Variants in SCAF1 observed in about 807,000 individuals in gnomAD.
SCAF1 encodes splicing factor, arginine/serine-rich 19.
Under a neutral mutation model 91.2 loss-of-function variants are expected in SCAF1, and 28 were observed. That is an observed-to-expected ratio of 0.31 (90% confidence interval 0.23 to 0.42). The LOEUF is 0.42. SCAF1 is among the 10% of genes least tolerant of loss of function. The pLI is 1.00. For missense variants in SCAF1, 1,893 were observed against 1,872.1 expected, an observed-to-expected ratio of 1.01 and a Z score of -0.21; for synonymous variants, 1,036 against 833.7, an observed-to-expected ratio of 1.24 and a Z score of -4.18.
Position 49,646,939 on chromosome 19 carries a change from C to A in SCAF1, c.478+109C>A. 1.3e-6 allele frequency: 1 copy of A among 780,278 alleles called. No homozygotes were observed. The highest frequency in any genetic ancestry group is 2.7e-5 in the East Asian group (1 of 37,190). The allele number at this position is 780,278 out of a possible 1,614,324, so 48.3% of individuals were successfully genotyped here. On this transcript the variant is annotated intron_variant, in intron 6 of 10. Transcript: ENST00000360565. This position sits in a 1 kb window ranked among gnomAD's most constrained non-coding sequence, Gnocchi z 5.6. ...ATCATGTTATTTAGACAAAACCTTTCCCTTCTCTTCGTATTAGACGTGATT... is the reference window on the plus strand; with the variant it reads ...ATCATGTTATTTAGACAAAACCTTTACCTTCTCTTCGTATTAGACGTGATT...
intron 9 of SCAF1, among the ~76,000 whole-genome samples, chr19:49,657,131 A>G (rs560091632): frequency 1.3e-5 from 2 of 152,264 alleles, no homozygotes; most frequent in Admixed American, 1.3e-4. Flanking sequence ...TCCAGCCTGC[A>G]TGACAATGAG....
chr19:49,652,492 C>G lies in SCAF1; in HGVS notation c.2103C>G (p.Ile701Met). ...TCACGGACCACGACCTCTTCGCCATCAAGCGGACCATCACGGTGGGCCGGC... is the reference window on the plus strand; with the variant it reads ...TCACGGACCACGACCTCTTCGCCATGAAGCGGACCATCACGGTGGGCCGGC... Reference protein sequence around the residue: ...QDLTDHDLFAIKRTITVGRLD... With the variant: ...QDLTDHDLFAMKRTITVGRLD... The change falls in exon 7 of 11, where the codon ATC becomes ATG. Residue 701 changes from isoleucine to methionine, a missense_variant. Ile to Met is a conservative substitution (Grantham distance 10). Transcript: ENST00000360565. 6.3e-7 allele frequency: 1 copy of G among 1,590,428 alleles called. No homozygotes were observed. The highest frequency in any genetic ancestry group is 8.5e-7 in the Non-Finnish European group (1 of 1,171,026).
chr19:49,654,864 A>G lies in SCAF1; in HGVS notation c.3612A>G (p.Thr1204=). ...GCAGCTCTGAGGGCCGTGGGGACAC[A>G]GATAAGGTGAGCTGGCCTGGGGAGA... ...GSSSSEGRGD[T]DKYLKKLHTQ... Residue 1204 remains threonine, a synonymous_variant, in exon 9 of 11, where the codon ACA becomes ACG. Transcript: ENST00000360565. The G allele has an allele frequency of 6.3e-7, 1 of 1,588,900 alleles. No homozygotes were observed. The highest frequency in any genetic ancestry group is 8.6e-7 in the Non-Finnish European group (1 of 1,164,572).
In SCAF1 at chr19:49,653,690, A is replaced by G; in HGVS notation, c.3301A>G (p.Ser1101Gly). ...GCCAGCTGGTGTGGACTGCACCACC[A>G]GCGGCGTCCTGGCCTGTGAGTGTCC... is the stretch of plus-strand genomic sequence containing the variant. Reference protein sequence around the residue: ...NLPAGVDCTTSGVLALTALLF... With the variant: ...NLPAGVDCTTGGVLALTALLF... Residue 1101 changes from serine to glycine, a missense_variant, in exon 7 of 11, where the codon AGC (serine) becomes GGC (glycine). By Grantham distance (56) the Ser-to-Gly change is moderately conservative (BLOSUM62 0). Transcript: ENST00000360565. The G allele has an allele frequency of 6.4e-7, 1 of 1,573,342 alleles. No homozygotes were observed. Among genetic ancestry groups the G allele is most frequent in the African/African-American group, 1.3e-5 (1 of 74,372 alleles).
chr19:49,652,997 C>T lies in SCAF1; in HGVS notation c.2608C>T (p.Arg870Cys), dbSNP rs1177668452. ...GSIGVKFSRD[R>C]ESRSPFLKPD... ...CATTGGCGTCAAATTCAGCCGTGAC[C>T]GCGAGAGTCGCTCCCCCTTCCTCAA... Residue 870 changes from arginine to cysteine, a missense_variant, in exon 7 of 11, where the codon CGC becomes TGC. Physicochemically the swap from Arg to Cys is radical, Grantham distance 180. Transcript: ENST00000360565. 8.7e-6 allele frequency: 14 copies of T among 1,613,844 alleles called. No homozygotes were observed. Among genetic ancestry groups the T allele is most frequent in the Admixed American group, 1.7e-5 (1 of 60,012 alleles).
At position 49,652,992 on chromosome 19, in the gene SCAF1, G is replaced by A. The variant is rs763013475; in HGVS notation, c.2603G>A (p.Arg868His). ...GGCTCCATTGGCGTCAAATTCAGCCGTGACCGCGAGAGTCGCTCCCCCTTC... is the reference window on the plus strand; with the variant it reads ...GGCTCCATTGGCGTCAAATTCAGCCATGACCGCGAGAGTCGCTCCCCCTTC... ...GLGSIGVKFS[R>H]DRESRSPFLK... Residue 868 changes from arginine (R) to histidine (H), a missense_variant, in exon 7 of 11, where the codon CGT becomes CAT. Arg to His is a conservative substitution (Grantham distance 29, BLOSUM62 0). Transcript: ENST00000360565. 5 of 1,613,952 alleles carry A rather than the reference G, an allele frequency of 3.1e-6. No individual in the cohort carries two copies. Among genetic ancestry groups the A allele is most frequent in the Non-Finnish European group, 3.4e-6 (4 of 1,180,024 alleles).
In SCAF1 at chr19:49,652,192, G is replaced by T; in HGVS notation, c.1803G>T (p.Arg601=). 1 of 1,274,254 alleles carries T rather than the reference G, an allele frequency of 7.8e-7. No individual in the cohort carries two copies. 78.9% of individuals were successfully genotyped at this position (1,274,254 alleles called of 1,614,324 possible). The change falls in exon 7 of 11, where the codon CGG becomes CGT. Residue 601 remains arginine, a synonymous_variant. Coordinates refer to ENST00000360565, the MANE Select transcript of SCAF1 (RefSeq NM_021228.3). ...GCCGCGGGGGCAGCCGCAGGTCGCG[G>T]TCCCGGGAGAAGCGGCGACGGCGGC... The part of the protein sequence containing the change: ...DRRRGGSRRS[R]SREKRRRRRR...
At chr19:49,643,077 A>G (rs2081036298) in intron 1 of SCAF1, among the ~76,000 whole-genome samples, 1 of 152,234 alleles carries the variant, frequency 6.6e-6, no homozygotes, top group Admixed American at 6.5e-5. Flanking sequence ...ATACGGAAAG[A>G]GAATGAGGAA....
chr19:49,646,598 C>T lies in SCAF1; in HGVS notation c.334C>T (p.Pro112Ser), dbSNP rs1486511855. 1 of 1,614,094 alleles carries T rather than the reference C, an allele frequency of 6.2e-7. No homozygotes were observed. Among genetic ancestry groups the T allele is most frequent in the East Asian group, 2.2e-5 (1 of 44,880 alleles). ...SVLDPPDTWV[P>S]SRLDLRPGES... ...CCTGGATCCCCCGGATACCTGGGTT[C>T]CCAGCCGCCTGGACCTGCGGCCTGG... The change falls in exon 5 of 11, where the codon CCC becomes TCC. Residue 112 changes from proline to serine, a missense_variant. This residue lies in a region of SCAF1 where 270 missense variants were observed against 292.5 expected (regional missense o/e 0.92). Transcript: ENST00000360565. This position sits in a 1 kb window ranked among gnomAD's most constrained non-coding sequence, Gnocchi z 5.6.
Position 49,653,461 on chromosome 19 carries a change from GGAGGAGGAAGAAGAAGAGGAGGAGGAA to G in SCAF1, c.3078_3104del (p.Glu1031_Glu1039del). The G allele has an allele frequency of 6.5e-7, 1 of 1,548,652 alleles. No homozygotes were observed. The highest frequency in any genetic ancestry group is 8.7e-7 in the Non-Finnish European group (1 of 1,148,350). ...GGGTCCGAGGTGGGGCGGAGGAGGAGGAGGAGGAAGAAGAAGAGGAGGAGGAAGAGGAAGAGGAGGAGGAGCAGCAGC... is the reference window on the plus strand; with the variant it reads ...GGGTCCGAGGTGGGGCGGAGGAGGAGGAGGAAGAGGAGGAGGAGCAGCAGC... On this transcript the variant is annotated inframe_deletion, in exon 7 of 11. Transcript: ENST00000360565.
chr19:49,653,203 C>T lies in SCAF1; in HGVS notation c.2814C>T (p.Gly938=), dbSNP rs1328941312. ...GAGGTGGCAGCGGGGGCAGTGGTGG[C>T]CAGGTGTCGCTGAAGAAGTCCAAGG... ...RSGGGSGGSG[G]QVSLKKSKAD... is the part of the protein sequence containing the mutation. The change falls in exon 7 of 11, where the codon GGC becomes GGT. Residue 938 remains glycine, a synonymous_variant. Coordinates refer to ENST00000360565, the MANE Select transcript of SCAF1 (RefSeq NM_021228.3). 32 of 1,542,482 alleles carry T rather than the reference C, an allele frequency of 2.1e-5. No individual in the cohort carries two copies. Among genetic ancestry groups the T allele is most frequent in the Non-Finnish European group, 2.7e-5 (31 of 1,145,242 alleles).
chr19:49,656,697 G>A (rs2081141385), intron 9 of SCAF1, among the ~76,000 whole-genome samples: 1 of 152,176 alleles, frequency 6.6e-6, no homozygotes, highest in Non-Finnish European at 1.5e-5. Flanking sequence ...GAGGCTCTCT[G>A]CCCTGTCCCT....
intron 6 of SCAF1, among the ~76,000 whole-genome samples, chr19:49,647,724 C>T (rs1286143271): frequency 6.6e-6 from 1 of 152,160 alleles, no homozygotes; most frequent in East Asian, 1.9e-4. Context: ...CTCCACTTCC[C>T]GAGTACAAGC....
At position 49,654,706 on chromosome 19, in the gene SCAF1, C is replaced by T; in HGVS notation, c.3454C>T (p.Pro1152Ser). 1 of 1,614,130 alleles carries T rather than the reference C, an allele frequency of 6.2e-7. No individual in the cohort carries two copies. The highest frequency in any genetic ancestry group is 1.1e-5 in the South Asian group (1 of 91,084). The stretch of plus-strand genomic sequence containing the variant: ...TCTGGGGATGACCCCAGCTCCTGTG[C>T]CCACCTCTTTGGGTCTGCCCCCTGG... ...SSLGMTPAPV[P>S]TSLGLPPGPS... The change falls in exon 9 of 11, where the codon CCC (proline) becomes TCC (serine). Residue 1152 changes from proline to serine, a missense_variant. By Grantham distance (74) the Pro-to-Ser change is moderately conservative. Coordinates refer to ENST00000360565, the MANE Select transcript of SCAF1 (RefSeq NM_021228.3).
At chr19:49,654,608 C>T (rs1360072818) in intron 8 of SCAF1, 44 bp from the exon 9 acceptor site, 2 of 1,497,006 alleles carry the variant, frequency 1.3e-6, no homozygotes, top group South Asian at 1.2e-5. Flanking sequence ...CCCTCTTCCC[C>T]TCCACCTCCC....
Position 49,652,037 on chromosome 19 carries a change from TGG to T in SCAF1, c.1650_1651del (p.Trp550Ter). ...QPAPPAPASP[W>X]DSKKHRSRDR... ...AGCGCCGCCCGCCCCGGCCTCGCCC[TGG>T]GACTCCAAGAAGCACCGCTCGCGGG... On this transcript the variant is annotated frameshift_variant, in exon 7 of 11. Transcript: ENST00000360565. LOFTEE classifies it high-confidence loss of function. 1 of 1,235,144 alleles carries T rather than the reference TGG, an allele frequency of 8.1e-7. No individual in the cohort carries two copies. The highest frequency in any genetic ancestry group is 1.0e-6 in the Non-Finnish European group (1 of 977,004). The allele number at this position is 1,235,144 out of a possible 1,614,324, so 76.5% of individuals were successfully genotyped here. A position where few individuals can be genotyped will look rare whatever the true frequency, so the allele number is the denominator to read the frequency against.
At position 49,652,054 on chromosome 19, in the gene SCAF1, C is replaced by T. The variant is rs1361225366; in HGVS notation, c.1665C>T (p.His555=). Residue 555 remains histidine (H), a synonymous_variant, in exon 7 of 11, where the codon CAC becomes CAT. Transcript: ENST00000360565. ...APASPWDSKK[H]RSRDRKPGSH... Reference sequence around the variant, plus strand: ...CCTCGCCCTGGGACTCCAAGAAGCACCGCTCGCGGGACCGCAAGCCCGGCT... The same window carrying T: ...CCTCGCCCTGGGACTCCAAGAAGCATCGCTCGCGGGACCGCAAGCCCGGCT... 2 of 1,234,482 alleles carry T rather than the reference C, an allele frequency of 1.6e-6. No individual in the cohort carries two copies. The highest frequency in any genetic ancestry group is 2.0e-6 in the Non-Finnish European group (2 of 975,722). The allele number at this position is 1,234,482 out of a possible 1,614,324, so 76.5% of individuals were successfully genotyped here. A position where few individuals can be genotyped will look rare whatever the true frequency, so the allele number is the denominator to read the frequency against.
intron 6 of SCAF1, among the ~76,000 whole-genome samples, chr19:49,648,000 A>C (rs2081065041): frequency 6.6e-6 from 1 of 151,506 alleles, no homozygotes; most frequent in South Asian, 2.1e-4. Flanking sequence ...TGGCACAGTC[A>C]CAGCTCACTG....
Position 49,653,404 on chromosome 19 carries a change from C to A in SCAF1, c.3015C>A (p.Ser1005=). The change falls in exon 7 of 11, where the codon TCC becomes TCA. Residue 1005 remains serine, a synonymous_variant. Transcript: ENST00000360565. The part of the protein sequence containing the change: ...VDSSCKTPEV[S]FLPEEATEEA... The stretch of plus-strand genomic sequence containing the variant: ...GCAGCTGCAAGACACCTGAGGTCTC[C>A]TTCCTGCCCGAGGAGGCCACTGAGG... 6.5e-7 allele frequency: 1 copy of A among 1,544,642 alleles called. No homozygotes were observed. Among genetic ancestry groups the A allele is most frequent in the Non-Finnish European group, 8.7e-7 (1 of 1,143,900 alleles).
Sources: allele counts gnomAD v4.1 joint callset (sites outside exome capture counted in the v4.1 genomes callset), GRCh38; gene constraint gnomAD v4.1.1; regional missense constraint gnomAD v4.1.1; non-coding constraint Gnocchi (gnomAD v3.1); transcripts MANE v1.5; gene names NCBI Gene and HGNC (gene_info 2026-07-23, HGNC 2026-07-21).